The following PGBD2 variants were observed in gnomAD, a reference collection of about 807,000 sequenced individuals.
PGBD2 encodes the protein piggyBac transposable element-derived protein 2.
A neutral mutation model predicts 8.1 loss-of-function variants in PGBD2; 6 were observed. The observed-to-expected ratio is 0.74, with a 90% CI of 0.40 to 1.46. PGBD2 has a LOEUF of 1.46. Among genes scored for constraint, PGBD2 ranks in the 40% most tolerant of loss-of-function variants. PGBD2 has a pLI of 0.02. For missense variants in PGBD2, 802 were observed against 739.0 expected, an observed-to-expected ratio of 1.09 and a Z score of -0.99; for synonymous variants, 318 against 272.2, an observed-to-expected ratio of 1.17 and a Z score of -1.66.
At chr1:248,890,515 T>C in the PGBD2 span, among the ~76,000 whole-genome samples, 1 of 152,124 alleles carries the variant, frequency 6.6e-6, no homozygotes, top group Admixed American at 6.6e-5. Context: ...ACACAAACCA[T>C]GTGGTCTCTT....
upstream of PGBD2, among the ~76,000 whole-genome samples, chr1:248,903,805 A>C (rs1254675758): frequency 6.6e-6 from 1 of 152,180 alleles, no homozygotes; most frequent in Admixed American, 6.5e-5. Context: ...CATGTATGTG[A>C]CATTCTTAAT....
rs1004512883 is a variant in PGBD2, at chr1:248,918,808, G to C, written c.*445G>C. On this transcript the variant is annotated 3_prime_UTR_variant, in exon 3 of 3. Coordinates refer to ENST00000329291, the MANE Select transcript of PGBD2 (RefSeq NM_170725.3). ...TCATATTTATTTCATATTAATCCAA[G>C]TTTATCAAACTTTTGAGGGATAATC... 1.2e-5 allele frequency: 2 copies of C among 166,994 alleles called. No individual in the cohort carries two copies. The highest frequency in any genetic ancestry group is 4.1e-4 in the South Asian group (2 of 4,826). 10.3% of individuals were successfully genotyped at this position (166,994 alleles called of 1,614,324 possible). A position where few individuals can be genotyped will look rare whatever the true frequency, so the allele number is the denominator to read the frequency against.
the PGBD2 span, among the ~76,000 whole-genome samples, chr1:248,877,418 T>A: frequency 2.6e-5 from 4 of 152,168 alleles, no homozygotes; most frequent in East Asian, 7.7e-4. Context: ...CACTTCAGCC[T>A]CACCAGCGGC....
chr1:248,925,947 G>A, the PGBD2 span, among the ~76,000 whole-genome samples: 1 of 152,068 alleles, frequency 6.6e-6, no homozygotes, highest in African/African-American at 2.4e-5. Context: ...TTGGCTCACA[G>A]GCTCCACTTC....
the PGBD2 span, among the ~76,000 whole-genome samples, chr1:248,889,351 C>CTCCA: frequency 1.3e-5 from 2 of 152,284 alleles, no homozygotes; most frequent in East Asian, 3.9e-4. Context: ...TGCCACTGCA[C>CTCCA]TCCAGCCTGG....
At chr1:248,929,226 A>T in the PGBD2 span, among the ~76,000 whole-genome samples, 1 of 152,158 alleles carries the variant, frequency 6.6e-6, no homozygotes, top group Admixed American at 6.5e-5. Flanking sequence ...TTCAGAACAA[A>T]TATAACTGAT....
intron 1 of PGBD2, among the ~76,000 whole-genome samples, chr1:248,907,812 A>G (rs1253419508): frequency 6.6e-6 from 1 of 152,208 alleles, no homozygotes; most frequent in African/African-American, 2.4e-5. Flanking sequence ...CTCAGGGCAA[A>G]GCAATTGTTC....
At chr1:248,885,708 A>G in the PGBD2 span, among the ~76,000 whole-genome samples, 2 of 152,210 alleles carry the variant, frequency 1.3e-5, no homozygotes, top group Non-Finnish European at 2.9e-5. Flanking sequence ...TGTTCTTTAT[A>G]TATTTGAAGC....
At chr1:248,893,226 C>T in the PGBD2 span, among the ~76,000 whole-genome samples, 87 of 152,174 alleles carry the variant, frequency 5.7e-4, no homozygotes, top group African/African-American at 1.9e-3. Flanking sequence ...TTGTTGTTTT[C>T]GATAAGAACA....
chr1:248,917,755 A>G lies in PGBD2; in HGVS notation c.1171A>G (p.Lys391Glu), dbSNP rs1662162946. Residue 391 changes from lysine to glutamate, a missense_variant, in exon 3 of 3, where the codon AAA (lysine) becomes GAA (glutamate). By Grantham distance (56) the Lys-to-Glu change is moderately conservative. Transcript: ENST00000329291. ...TCCCCTAAAAGACCCCAAAGAACTG[A>G]AAAAAATGAAGAGGGGTTCATTTGA... ...RCPLKDPKEL[K>E]KMKRGSFDYK... 6.2e-7 allele frequency: 1 copy of G among 1,614,112 alleles called. No homozygotes were observed.
chr1:248,894,967 G>T, the PGBD2 span, among the ~76,000 whole-genome samples: 2 of 151,852 alleles, frequency 1.3e-5, no homozygotes, highest in East Asian at 3.9e-4. Context: ...TGGCTATTTT[G>T]TTGTTGTTGT....
chr1:248,928,149 C>T, the PGBD2 span, among the ~76,000 whole-genome samples: 2 of 152,128 alleles, frequency 1.3e-5, no homozygotes, highest in South Asian at 4.1e-4. Context: ...TCACTTCAAA[C>T]ACCACAAGTT....
At chr1:248,876,111 C>T in the PGBD2 span, among the ~76,000 whole-genome samples, 34 of 151,616 alleles carry the variant, frequency 2.2e-4, no homozygotes, top group East Asian at 6.2e-3. Context: ...CTGGTTCAAG[C>T]GATTCTCCTG....
At position 248,918,984 on chromosome 1, in the gene PGBD2, T is replaced by TA. The variant is rs1662222943; in HGVS notation, c.*622dup. 1 of 167,096 alleles carries TA rather than the reference T, an allele frequency of 6.0e-6. No individual in the cohort carries two copies. Among genetic ancestry groups the TA allele is most frequent in the Non-Finnish European group, 1.5e-5 (1 of 68,096 alleles). 10.4% of individuals were successfully genotyped at this position (167,096 alleles called of 1,614,324 possible). A position where few individuals can be genotyped will look rare whatever the true frequency, so the allele number is the denominator to read the frequency against. Reference sequence around the variant, plus strand: ...TGGGTACATAGTAGGAGTGTATTTTTATGGGTTACATGAGATATTCTGATA... The same window carrying TA: ...TGGGTACATAGTAGGAGTGTATTTTTAATGGGTTACATGAGATATTCTGATA... On this transcript the variant is annotated 3_prime_UTR_variant, in exon 3 of 3. Transcript: ENST00000329291.
chr1:248,917,594 C>T lies in PGBD2; in HGVS notation c.1010C>T (p.Ala337Val), dbSNP rs745584153. Reference protein sequence around the residue: ...GGSMVIKFVDALQERGFLPYH... With the variant: ...GGSMVIKFVDVLQERGFLPYH... Reference sequence around the variant, plus strand: ...AGTATGGTAATAAAATTTGTGGATGCGCTTCAGGAGCGTGGTTTTCTGCCA... The same window carrying T: ...AGTATGGTAATAAAATTTGTGGATGTGCTTCAGGAGCGTGGTTTTCTGCCA... Residue 337 changes from alanine (A) to valine (V), a missense_variant, in exon 3 of 3, where the codon GCG becomes GTG. Ala to Val is a moderately conservative substitution (Grantham distance 64, BLOSUM62 0). Transcript: ENST00000329291. The T allele has an allele frequency of 8.1e-6, 13 of 1,613,968 alleles. No individual in the cohort carries two copies. The highest frequency in any genetic ancestry group is 4.5e-5 in the East Asian group (2 of 44,892).
chr1:248,880,540 C>G, the PGBD2 span, among the ~76,000 whole-genome samples: 1 of 152,120 alleles, frequency 6.6e-6, no homozygotes, highest in African/African-American at 2.4e-5. Context: ...ACTTTCAACC[C>G]AAGTTGTGAA....
the PGBD2 span, among the ~76,000 whole-genome samples, chr1:248,925,136 G>A: frequency 6.6e-6 from 1 of 152,154 alleles, no homozygotes; most frequent in Non-Finnish European, 1.5e-5. Flanking sequence ...CGCTGCCACA[G>A]GGAGCACATT....
chr1:248,929,051 A>C, the PGBD2 span, among the ~76,000 whole-genome samples: 2 of 152,314 alleles, frequency 1.3e-5, no homozygotes, highest in East Asian at 3.9e-4. Flanking sequence ...TTATTCATTA[A>C]ATTTTTTAAG....
the PGBD2 span, among the ~76,000 whole-genome samples, chr1:248,926,325 C>T: frequency 9.9e-5 from 15 of 152,064 alleles, no homozygotes; most frequent in African/African-American, 1.7e-4. Flanking sequence ...AATTATATTA[C>T]ACTATTACAT....
Sources: allele counts gnomAD v4.1 joint callset (sites outside exome capture counted in the v4.1 genomes callset), GRCh38; gene constraint gnomAD v4.1.1; transcripts MANE v1.5; gene names NCBI Gene and HGNC (gene_info 2026-07-23, HGNC 2026-07-21).